The following TMEM71 variants were observed in gnomAD, a reference collection of about 807,000 sequenced individuals.
TMEM71 encodes transmembrane protein 71.
In TMEM71, 44 loss-of-function variants were observed where a neutral mutation model predicts 38.0. The ratio of observed to expected loss-of-function variants is 1.16; its 90% CI spans 0.91 to 1.49. The LOEUF (loss-of-function observed/expected upper bound fraction) is 1.49. Among genes scored for constraint, TMEM71 ranks in the 40% most tolerant of loss-of-function variants. The pLI is 0.00. For missense variants in TMEM71, 367 were observed against 348.6 expected (o/e 1.05, Z -0.42); for synonymous variants, 133 against 122.5 (o/e 1.09, Z -0.56).
At chr8:132,739,519 G>T (rs1340660485) in intron 5 of TMEM71, among the ~76,000 whole-genome samples, 4 of 152,046 alleles carry the variant, frequency 2.6e-5, no homozygotes, top group African/African-American at 7.2e-5. Flanking sequence ...CACCATGTTA[G>T]CCAGGATGGT....
At chr8:132,745,401 A>G (rs1828282295) in intron 5 of TMEM71, among the ~76,000 whole-genome samples, 1 of 152,222 alleles carries the variant, frequency 6.6e-6, no homozygotes, top group African/African-American at 2.4e-5. Context: ...GAAGACATAC[A>G]TGCAGCAACA....
chr8:132,765,277 C>T (rs1298357227), upstream of TMEM71, among the ~76,000 whole-genome samples: 3 of 152,068 alleles, frequency 2.0e-5, no homozygotes, highest in East Asian at 5.8e-4. Flanking sequence ...TTGGAAGGTC[C>T]CCGAAAGTTA....
At chr8:132,765,858 G>T in the TMEM71 span, among the ~76,000 whole-genome samples, 1 of 151,634 alleles carries the variant, frequency 6.6e-6, no homozygotes, top group East Asian at 1.9e-4. Context: ...GCACGATCTC[G>T]GCTCACTACA....
chr8:132,772,810 G>T, the TMEM71 span, among the ~76,000 whole-genome samples: 178 of 152,260 alleles, frequency 1.2e-3, 1 homozygote, highest in African/African-American at 4.2e-3. Context: ...TGAGGTGCTT[G>T]TATCTAAATT....
chr8:132,710,523 ATTAG>A lies in TMEM71; in HGVS notation c.*440_*443del, dbSNP rs1189301127. 4 of 282,690 alleles carry A rather than the reference ATTAG, an allele frequency of 1.4e-5. No homozygotes were observed. The highest frequency in any genetic ancestry group is 2.6e-5 in the Non-Finnish European group (4 of 154,000). The allele number at this position is 282,690 out of a possible 1,614,324, so 17.5% of individuals were successfully genotyped here. A position where few individuals can be genotyped will look rare whatever the true frequency, so the allele number is the denominator to read the frequency against. On this transcript the variant is annotated 3_prime_UTR_variant, in exon 10 of 10. Transcript: ENST00000677595. Reference sequence around the variant, plus strand: ...TTGTTATTCAAGTTGTCAGGTTGGTATTAGTTAGACAAACTTGCTCTCATTATTC... The same window carrying A: ...TTGTTATTCAAGTTGTCAGGTTGGTATTAGACAAACTTGCTCTCATTATTC...
chr8:132,717,784 C>G (rs773851178), intron 7 of TMEM71, among the ~76,000 whole-genome samples: 1 of 152,128 alleles, frequency 6.6e-6, no homozygotes, highest in Non-Finnish European at 1.5e-5. Context: ...CCATACAAAA[C>G]TTGTGCACCA....
chr8:132,721,203 A>G (rs1826823322), intron 7 of TMEM71, among the ~76,000 whole-genome samples: 1 of 152,240 alleles, frequency 6.6e-6, no homozygotes, highest in Non-Finnish European at 1.5e-5. Flanking sequence ...CCTAGCACCA[A>G]GGAACCTGAT....
At chr8:132,758,747 G>A (rs1395750715) in intron 2 of TMEM71, 93 bp downstream of exon 2, 2 of 1,062,398 alleles carry the variant, frequency 1.9e-6, no homozygotes, top group Non-Finnish European at 2.9e-6. Flanking sequence ...ATGGTTAATG[G>A]TCTGAGTATC....
At chr8:132,720,401 A>T (rs1826774824) in intron 7 of TMEM71, among the ~76,000 whole-genome samples, 1 of 152,232 alleles carries the variant, frequency 6.6e-6, no homozygotes, top group African/African-American at 2.4e-5. Flanking sequence ...GGTGCGGAAA[A>T]CACGAAGTGA....
At chr8:132,726,357 G>C (rs1827141526) in intron 6 of TMEM71, among the ~76,000 whole-genome samples, 1 of 152,056 alleles carries the variant, frequency 6.6e-6, no homozygotes, top group South Asian at 2.1e-4. Context: ...AAGAGTGATG[G>C]CCAGTGAAGT....
At chr8:132,721,023 C>A (rs370175595) in intron 7 of TMEM71, among the ~76,000 whole-genome samples, 1 of 152,142 alleles carries the variant, frequency 6.6e-6, no homozygotes, top group Non-Finnish European at 1.5e-5. Context: ...AAGGTGCATG[C>A]GACAAAGAGT....
chr8:132,763,100 C>G (rs1015233826), upstream of TMEM71, among the ~76,000 whole-genome samples: 1 of 152,136 alleles, frequency 6.6e-6, no homozygotes, highest in Non-Finnish European at 1.5e-5. Context: ...CTAAGGGTCA[C>G]AGGGCTTTCT....
Position 132,747,924 on chromosome 8 carries a change from T to C in TMEM71, c.315-810A>G, listed in dbSNP as rs138930355. On this transcript the variant is annotated intron_variant, in intron 4 of 9. Transcript: ENST00000677595. ...TACAGGGAACAGATTAGTGATGACA[T>C]AATTCGGTTTGCATTTCCAAAATTG... Among the ~76,000 whole-genome samples the C allele has an allele frequency of 2.5e-3, 387 of 152,302 alleles. 9 individuals are homozygous for C. Among genetic ancestry groups the C allele is most frequent in the Non-Finnish European group, 5.9e-4 (40 of 68,022 alleles).
downstream of TMEM71, among the ~76,000 whole-genome samples, chr8:132,708,801 C>T (rs192180674): frequency 6.6e-6 from 1 of 152,142 alleles, no homozygotes; most frequent in African/African-American, 2.4e-5. Flanking sequence ...GGCAAGATGT[C>T]TAAAGTCAGA....
At chr8:132,762,498 T>C (rs959772482), upstream of TMEM71, among the ~76,000 whole-genome samples, 85 of 152,162 alleles carry the variant, frequency 5.6e-4, no homozygotes, top group African/African-American at 2.0e-3. Flanking sequence ...TTTTTAAAGA[T>C]CTGGCACATA....
chr8:132,734,482 C>T lies in TMEM71; in HGVS notation c.488-6496G>A, dbSNP rs568906974. Among the ~76,000 whole-genome samples the T allele has an allele frequency of 2.6e-5, 4 of 152,226 alleles. No homozygotes were observed. The East Asian group carries it at 7.7e-4, about 29-fold the overall frequency. The stretch of plus-strand genomic sequence containing the variant: ...TGGGTAGATGTGGACGAGACTGTAA[C>T]AACAGTAAAAAGATGTGCTGTTTCC... On this transcript the variant is annotated intron_variant, in intron 5 of 9. Transcript: ENST00000677595.
downstream of TMEM71, among the ~76,000 whole-genome samples, chr8:132,708,130 G>T (rs549048996): frequency 3.9e-5 from 6 of 152,156 alleles, no homozygotes; most frequent in Non-Finnish European, 2.9e-5. Context: ...TACAGCAGAC[G>T]TGGTTCTTTA....
upstream of TMEM71, among the ~76,000 whole-genome samples, chr8:132,765,240 A>G (rs1365260378): frequency 6.6e-6 from 1 of 152,202 alleles, no homozygotes; most frequent in Non-Finnish European, 1.5e-5. Context: ...TTGGAAGATG[A>G]AAGTGGAGCT....
At chr8:132,775,369 C>T in the TMEM71 span, 10 of 363,308 alleles carry the variant, frequency 2.8e-5, no homozygotes, top group South Asian at 3.9e-4. Context: ...CTGACGTCGC[C>T]GGGGCCCGGC....
Sources: gnomAD v4.1 joint callset for allele counts (sites outside exome capture counted in the v4.1 genomes callset) on GRCh38, gnomAD v4.1.1 for gene constraint, MANE v1.5 for transcripts, NCBI Gene and HGNC (gene_info 2026-07-23, HGNC 2026-07-21) for gene names.